The following EYA2 variants were observed in gnomAD, a reference collection of about 807,000 sequenced individuals.
EYA2 encodes EYA transcriptional coactivator and phosphatase 2, also known as protein phosphatase EYA2.
In EYA2, 31 loss-of-function variants were observed where a neutral mutation model predicts 69.2. That is an observed-to-expected ratio of 0.45 (90% confidence interval 0.34 to 0.60). EYA2 has a LOEUF of 0.60. Among genes scored for constraint, EYA2 ranks in the 20% least tolerant of loss-of-function variants. EYA2 has a pLI of 0.02. For synonymous variants in EYA2, 257 were observed against 279.4 expected (o/e 0.92, Z 0.80); for missense variants, 622 against 701.2 (o/e 0.89, Z 1.28).
chr20:46,980,361 A>G (rs1980751642), intron 1 of EYA2, among the ~76,000 whole-genome samples: 2 of 152,242 alleles, frequency 1.3e-5, no homozygotes, highest in Admixed American at 1.3e-4. Context: ...CTCAAACACC[A>G]GAGACTGGCC....
intron 5 of EYA2, among the ~76,000 whole-genome samples, chr20:47,031,234 A>G (rs1572868): frequency 0.68 from 103,726 of 152,036 alleles, 37,260 homozygotes; most frequent in Non-Finnish European, 0.81. Flanking sequence ...AGAGCCAGCC[A>G]TGGGTCACAA....
At chr20:46,918,365 A>G (rs537148852) in intron 1 of EYA2, among the ~76,000 whole-genome samples, 1 of 148,508 alleles carries the variant, frequency 6.7e-6, no homozygotes, top group Non-Finnish European at 1.5e-5. Flanking sequence ...CTGATGTGCA[A>G]TGGCACGATC....
rs73307677 is a variant in EYA2 at position 47,038,601 on chromosome 20, C to T, written c.415+22304C>T. 3.2e-3 allele frequency among the ~76,000 whole-genome samples: 482 copies of T among 152,248 alleles called. 1 individual carries two copies. The highest frequency in any genetic ancestry group is 0.01 in the African/African-American group (424 of 41,542). ...TGAGGGGTCTGTGTGTGTGTGTGCA[C>T]GCACACATACACAATGTTCATTGTG... On this transcript the variant is annotated intron_variant, in intron 5 of 15. Coordinates refer to ENST00000327619, the MANE Select transcript of EYA2 (RefSeq NM_005244.5).
chr20:47,142,383 A>G (rs930347737), intron 9 of EYA2, among the ~76,000 whole-genome samples: 2 of 152,222 alleles, frequency 1.3e-5, no homozygotes, highest in African/African-American at 4.8e-5. Context: ...TTCATACGTT[A>G]TGCTGTGTTG....
rs576011150 is a variant in EYA2, at chr20:47,097,825, G to A, written c.888+657G>A. Among the ~76,000 whole-genome samples, 10 of 152,276 alleles carry A rather than the reference G, an allele frequency of 6.6e-5. No homozygotes were observed. The South Asian group carries it at 1.9e-3, about 28-fold the overall frequency. On this transcript the variant is annotated intron_variant, in intron 9 of 15. Transcript: ENST00000327619. ...TCATCCCATGGGCTACTGAACAGAC[G>A]ACGAGTGGATGCCCTAGACATCTGT...
intron 9 of EYA2, among the ~76,000 whole-genome samples, chr20:47,131,851 G>A (rs867264): frequency 0.63 from 95,893 of 152,178 alleles, 31,983 homozygotes; most frequent in African/African-American, 0.86. Context: ...TGGCAGCCAC[G>A]GGAAACTATA....
intron 10 of EYA2, chr20:47,161,285 C>T: frequency 1.9e-6 from 1 of 536,822 alleles, no homozygotes; most frequent in Non-Finnish European, 3.5e-6. Context: ...GATGGCGTGG[C>T]CACCTCCTTG....
At chr20:46,947,707 A>G (rs1352865753) in intron 1 of EYA2, among the ~76,000 whole-genome samples, 1 of 152,220 alleles carries the variant, frequency 6.6e-6, no homozygotes, top group Non-Finnish European at 1.5e-5. Flanking sequence ...CATTTCTTTG[A>G]ATATTTCTTT....
intron 9 of EYA2, among the ~76,000 whole-genome samples, chr20:47,110,841 A>G (rs895897431): frequency 6.6e-6 from 1 of 152,252 alleles, no homozygotes; most frequent in Admixed American, 6.5e-5. Context: ...GTGTGTGACA[A>G]GCAGGGGCCT....
At chr20:47,092,415 C>T (rs141766798) in intron 8 of EYA2, among the ~76,000 whole-genome samples, 146 of 152,292 alleles carry the variant, frequency 9.6e-4, no homozygotes, top group African/African-American at 3.4e-3. Context: ...GGGTTTAGGC[C>T]TTTGCAAAAG....
At chr20:47,176,357 G>A (rs997807621) in intron 12 of EYA2, among the ~76,000 whole-genome samples, 4 of 151,684 alleles carry the variant, frequency 2.6e-5, no homozygotes, top group Admixed American at 2.6e-4. Flanking sequence ...TGGGATTACA[G>A]GTATGAGCCA....
chr20:47,126,217 C>T (rs1242714893), intron 9 of EYA2, among the ~76,000 whole-genome samples: 1 of 152,230 alleles, frequency 6.6e-6, no homozygotes, highest in Non-Finnish European at 1.5e-5. Context: ...CTTCCCTTCG[C>T]GTGGCACCTG....
chr20:46,984,138 G>A (rs1017071806), intron 1 of EYA2, among the ~76,000 whole-genome samples: 2 of 152,098 alleles, frequency 1.3e-5, no homozygotes, highest in African/African-American at 4.8e-5. Context: ...ACTTAAATAT[G>A]AAAGGTAAAA....
chr20:46,895,722 G>C (rs997989388), intron 1 of EYA2, among the ~76,000 whole-genome samples: 1 of 152,166 alleles, frequency 6.6e-6, no homozygotes, highest in Non-Finnish European at 1.5e-5. Flanking sequence ...GGCCGTGCTG[G>C]CCCAGGCTCC....
At chr20:46,935,146 G>T (rs765866498) in intron 1 of EYA2, among the ~76,000 whole-genome samples, 1 of 152,228 alleles carries the variant, frequency 6.6e-6, no homozygotes, top group African/African-American at 2.4e-5. Context: ...CCCTGCATCA[G>T]CTCTACTCAG....
chr20:46,986,060 A>G lies in EYA2; in HGVS notation c.-10-3941A>G, dbSNP rs548094870. On this transcript the variant is annotated intron_variant, in intron 1 of 15. Transcript: ENST00000327619. ...GGGAATGAGTTTAGATAAGATGCAA[A>G]TTTCTGGCACCTGTAGCCAGATAAA... Among the ~76,000 whole-genome samples, 8 of 152,132 alleles carry G rather than the reference A, an allele frequency of 5.3e-5. No individual in the cohort carries two copies. In the South Asian group the frequency reaches 1.0e-3, roughly 20 times the overall value.
intron 5 of EYA2, among the ~76,000 whole-genome samples, chr20:47,057,710 TCA>T (rs1454827759): frequency 2.0e-5 from 3 of 152,176 alleles, no homozygotes; most frequent in Non-Finnish European, 4.4e-5. Flanking sequence ...GGATGTCTGT[TCA>T]CTGGGATTAC....
At chr20:47,068,585 A>G (rs2031199423) in intron 5 of EYA2, among the ~76,000 whole-genome samples, 1 of 152,004 alleles carries the variant, frequency 6.6e-6, no homozygotes. Flanking sequence ...AACTCAAATC[A>G]GACTCTCTGT....
At chr20:46,908,871 T>A (rs1486508417) in intron 1 of EYA2, among the ~76,000 whole-genome samples, 11 of 17,660 alleles carry the variant, frequency 6.2e-4, no homozygotes, top group African/African-American at 2.0e-3. Flanking sequence ...TCTCCCGCAC[T>A]TTTTTTTTTT....
Sources: gnomAD v4.1 joint callset for allele counts (sites outside exome capture counted in the v4.1 genomes callset) on GRCh38, gnomAD v4.1.1 for gene constraint, MANE v1.5 for transcripts, NCBI Gene and HGNC (gene_info 2026-07-23, HGNC 2026-07-21) for gene names.